NUAK2: variants seen among roughly 807,000 people sequenced by gnomAD.
NUAK2 encodes the protein NUAK family kinase 2, also known as NUAK family SNF1-like kinase 2.
A neutral mutation model predicts 29.8 loss-of-function variants in NUAK2; 20 were observed. The ratio of observed to expected loss-of-function variants is 0.67; its 90% CI spans 0.47 to 0.98. The LOEUF is 0.98. NUAK2 is among the 50% of genes least tolerant of loss of function. The probability of loss-of-function intolerance (pLI) is 0.00; values close to 1 mark genes in which losing one functional copy is unlikely to be tolerated. For synonymous variants in NUAK2, 331 were observed against 342.6 expected, an observed-to-expected ratio of 0.97 and a Z score of 0.37; for missense variants, 719 against 834.5, an observed-to-expected ratio of 0.86 and a Z score of 1.71.
chr1:205,308,127 G>A lies in NUAK2; in HGVS notation c.570+38C>T, dbSNP rs371355715. 30 of 1,411,472 alleles carry A rather than the reference G, an allele frequency of 2.1e-5. No individual in the cohort carries two copies. Among genetic ancestry groups the A allele is most frequent in the Non-Finnish European group, 2.6e-5 (26 of 1,001,768 alleles). 87.4% of individuals were successfully genotyped at this position (1,411,472 alleles called of 1,614,324 possible). ...GGGGACAGTGCAGAAAAGCTGGGGT[G>A]GGCAAGGAGGCTTCTAGAAATAAGA... On this transcript the variant is annotated intron_variant, in intron 4 of 6. Transcript: ENST00000367157. This position sits in a 1 kb window ranked among gnomAD's most constrained non-coding sequence, Gnocchi z 4.1.
rs149625269 is a variant in NUAK2, at chr1:205,308,687, C to T, written c.398G>A (p.Ser133Asn). Reference protein sequence around the residue: ...SKIVIVMEYASRGDLYDYISE... With the variant: ...SKIVIVMEYANRGDLYDYISE... ...GATGTAGTCATAAAGGTCGCCCCGG[C>T]TGGCATACTCCATGACGATCACGAT... The change falls in exon 3 of 7, where the codon AGC becomes AAC. Residue 133 changes from serine (S) to asparagine (N), a missense_variant. Coordinates refer to ENST00000367157, the MANE Select transcript of NUAK2 (RefSeq NM_030952.3). The surrounding 1 kb of genome is among the most constrained non-coding windows in gnomAD (Gnocchi z 4.1). 55 of 1,614,040 alleles carry T rather than the reference C, an allele frequency of 3.4e-5. No homozygotes were observed. Among genetic ancestry groups the T allele is most frequent in the Non-Finnish European group, 4.4e-5 (52 of 1,180,046 alleles).
At chr1:205,319,816 C>T (rs1402048582) in intron 1 of NUAK2, among the ~76,000 whole-genome samples, 1 of 152,182 alleles carries the variant, frequency 6.6e-6, no homozygotes, top group Admixed American at 6.5e-5. Context: ...CCAACATCCA[C>T]TCTCCTTCAC....
chr1:205,305,472 G>T lies in NUAK2; in HGVS notation c.691-141C>A, dbSNP rs183691010. ...CCAAGACGGGGATGCTGCAGAAGGG[G>T]TCTGAGATGTTGTCAATCGCATTTC... On this transcript the variant is annotated intron_variant, in intron 5 of 6. Coordinates refer to ENST00000367157, the MANE Select transcript of NUAK2 (RefSeq NM_030952.3). The T allele has an allele frequency of 9.3e-5, 133 of 1,424,992 alleles. No individual in the cohort carries two copies. The East Asian group carries it at 2.1e-3, about 22-fold the overall frequency. The allele number at this position is 1,424,992 out of a possible 1,614,324, so 88.3% of individuals were successfully genotyped here.
intron 1 of NUAK2, among the ~76,000 whole-genome samples, chr1:205,313,759 C>CG (rs367961044): frequency 6.6e-6 from 1 of 151,638 alleles, no homozygotes; most frequent in African/African-American, 2.4e-5. Context: ...ACAGATGCCA[C>CG]GGGGCCCTCA....
Position 205,308,370 on chromosome 1 carries a change from G to A in NUAK2, c.505-140C>T, listed in dbSNP as rs896678735. On this transcript the variant is annotated intron_variant, in intron 3 of 6. Transcript: ENST00000367157. The surrounding 1 kb of genome is among the most constrained non-coding windows in gnomAD (Gnocchi z 4.1). ...TAGGCTGGGAATGCCTATCTTTATCGGTATGTGCTGCAAGAAATCACGGGC... is the reference window on the plus strand; with the variant it reads ...TAGGCTGGGAATGCCTATCTTTATCAGTATGTGCTGCAAGAAATCACGGGC... 1.4e-5 allele frequency: 11 copies of A among 783,798 alleles called. No individual in the cohort carries two copies. Among genetic ancestry groups the A allele is most frequent in the South Asian group, 7.1e-5 (4 of 56,730 alleles). 48.6% of individuals were successfully genotyped at this position (783,798 alleles called of 1,614,324 possible).
intron 2 of NUAK2, 34 bp downstream of exon 2, chr1:205,311,671 A>AC (rs370368732): frequency 6.2e-7 from 1 of 1,613,270 alleles, no homozygotes; most frequent in Non-Finnish European, 8.5e-7. Context: ...ACACACATAG[A>AC]CCCCCAAGTT....
At position 205,304,654 on chromosome 1, in the gene NUAK2, A is replaced by G; in HGVS notation, c.824-141T>C. ...TGCGTCCCTTCCAACCTAGGGCTCTATACATGCCTTGGCCCAGGACAGCTC... is the reference window on the plus strand; with the variant it reads ...TGCGTCCCTTCCAACCTAGGGCTCTGTACATGCCTTGGCCCAGGACAGCTC... On this transcript the variant is annotated intron_variant, in intron 6 of 6. Coordinates refer to ENST00000367157, the MANE Select transcript of NUAK2 (RefSeq NM_030952.3). This position sits in a 1 kb window ranked among gnomAD's most constrained non-coding sequence, Gnocchi z 6.5. The G allele has an allele frequency of 1.4e-6, 1 of 730,106 alleles. No homozygotes were observed. The highest frequency in any genetic ancestry group is 2.2e-6 in the Non-Finnish European group (1 of 456,504). The allele number at this position is 730,106 out of a possible 1,614,324, so 45.2% of individuals were successfully genotyped here.
intron 4 of NUAK2, among the ~76,000 whole-genome samples, chr1:205,307,615 T>C (rs1321477337): frequency 3.3e-5 from 5 of 152,164 alleles, no homozygotes; most frequent in Admixed American, 3.3e-4. Flanking sequence ...TCTCAGTTTA[T>C]CCCATCAACA....
chr1:205,321,544 T>G lies in NUAK2; in HGVS notation c.85A>C (p.Lys29Gln). 6.2e-7 allele frequency: 1 copy of G among 1,613,808 alleles called. No homozygotes were observed. Among genetic ancestry groups the G allele is most frequent in the Admixed American group, 1.7e-5 (1 of 60,022 alleles). ...TTCTTCATTAGGGGCTTGGGCGACT[T>G]GATCAGCCCTTCCGCCAGCGGCCGG... The part of the protein sequence containing the change: ...LARPLAEGLI[K>Q]SPKPLMKKQA... The change falls in exon 1 of 7, where the codon AAG becomes CAG. Residue 29 changes from lysine to glutamine, a missense_variant. Lys to Gln is a moderately conservative substitution (Grantham distance 53). This residue lies in a region of NUAK2 where 283 missense variants were observed against 345.6 expected (regional missense o/e 0.82). Transcript: ENST00000367157.
intron 1 of NUAK2, among the ~76,000 whole-genome samples, chr1:205,318,237 G>A (rs984498540): frequency 6.6e-6 from 1 of 152,228 alleles, no homozygotes; most frequent in Non-Finnish European, 1.5e-5. Context: ...CACAGTCACT[G>A]TATGTGAGGG....
chr1:205,305,239 C>T lies in NUAK2; in HGVS notation c.783G>A (p.Gln261=), dbSNP rs1281649938. The T allele has an allele frequency of 1.9e-6, 3 of 1,614,108 alleles. No individual in the cohort carries two copies. Among genetic ancestry groups the T allele is most frequent in the Non-Finnish European group, 2.5e-6 (3 of 1,180,034 alleles). ...DGHDHKILVK[Q]ISNGAYREPP... ...GCTCCCGGTAGGCCCCGTTGCTGATCTGTTTCACTAGGATCTTATGGTCAT... is the reference window on the plus strand; with the variant it reads ...GCTCCCGGTAGGCCCCGTTGCTGATTTGTTTCACTAGGATCTTATGGTCAT... Residue 261 remains glutamine (Q), a synonymous_variant, in exon 6 of 7, where the codon CAG becomes CAA. Transcript: ENST00000367157.
At position 205,304,122 on chromosome 1, in the gene NUAK2, C is replaced by T. The variant is rs1397910535; in HGVS notation, c.1215G>A (p.Lys405=). 1 of 1,614,194 alleles carries T rather than the reference C, an allele frequency of 6.2e-7. No individual in the cohort carries two copies. The stretch of plus-strand genomic sequence containing the variant: ...TCTTCTTGAGAATGCCCTTTGGCAG[C>T]TTGAGGTTGCTCTTGCCAGGGCGAT... The part of the protein sequence containing the change: ...TAHRPGKSNL[K]LPKGILKKKV... The change falls in exon 7 of 7, where the codon AAG becomes AAA. Residue 405 remains lysine (K), a synonymous_variant. Coordinates refer to ENST00000367157, the MANE Select transcript of NUAK2 (RefSeq NM_030952.3). This position sits in a 1 kb window ranked among gnomAD's most constrained non-coding sequence, Gnocchi z 6.5.
rs534216571 is a variant in NUAK2 at position 205,315,197 on chromosome 1, T to G, written c.232-3372A>C. Among the ~76,000 whole-genome samples, 148 of 152,194 alleles carry G rather than the reference T, an allele frequency of 9.7e-4. 1 individual carries two copies. The highest frequency in any genetic ancestry group is 1.9e-3 in the Non-Finnish European group (130 of 67,998). ...AGGCCTCTATCGGTCTCCAAGCAGG[T>G]GGCAGACAAAAAGAGCCATGCATCA... On this transcript the variant is annotated intron_variant, in intron 1 of 6. Transcript: ENST00000367157.
chr1:205,305,149 A>T (rs554216681), intron 6 of NUAK2, 50 bp downstream of exon 6: 3 of 1,590,216 alleles, frequency 1.9e-6, no homozygotes, highest in Non-Finnish European at 1.7e-6. Flanking sequence ...CTTAGGAATG[A>T]GTGAAGGACA....
chr1:205,316,398 G>A (rs139119031), intron 1 of NUAK2, among the ~76,000 whole-genome samples: 1 of 152,308 alleles, frequency 6.6e-6, no homozygotes, highest in African/African-American at 2.4e-5. Context: ...ATTCTATTGT[G>A]ATAAATGTGG....
At chr1:205,313,875 C>G (rs1662289071) in intron 1 of NUAK2, among the ~76,000 whole-genome samples, 1 of 152,192 alleles carries the variant, frequency 6.6e-6, no homozygotes, top group Non-Finnish European at 1.5e-5. Flanking sequence ...ACGAGACTTC[C>G]TCTTATGGGG....
At position 205,303,436 on chromosome 1, in the gene NUAK2, A is replaced by G; in HGVS notation, c.*14T>C. The G allele has an allele frequency of 6.5e-7, 1 of 1,534,468 alleles. No homozygotes were observed. Among genetic ancestry groups the G allele is most frequent in the Non-Finnish European group, 8.8e-7 (1 of 1,139,322 alleles). Reference sequence around the variant, plus strand: ...TCTGAGAGCCTGACCGGGCTGGGGCAATGCCTACTCCACTCAGGTGAGCTT... The same window carrying G: ...TCTGAGAGCCTGACCGGGCTGGGGCGATGCCTACTCCACTCAGGTGAGCTT... On this transcript the variant is annotated 3_prime_UTR_variant, in exon 7 of 7. Transcript: ENST00000367157.
intron 1 of NUAK2, among the ~76,000 whole-genome samples, chr1:205,314,158 A>G (rs1662293588): frequency 6.6e-6 from 1 of 152,180 alleles, no homozygotes; most frequent in African/African-American, 2.4e-5. Context: ...AGCTGCTCAC[A>G]ATGCCCTGGC....
intron 2 of NUAK2, among the ~76,000 whole-genome samples, chr1:205,310,199 G>C (rs537161202): frequency 6.6e-6 from 1 of 152,234 alleles, no homozygotes; most frequent in Non-Finnish European, 1.5e-5. Flanking sequence ...CAGGGGGACA[G>C]GAATAAATGG....
Sources: gnomAD v4.1 joint callset for allele counts (sites outside exome capture counted in the v4.1 genomes callset) on GRCh38, gnomAD v4.1.1 for gene constraint, gnomAD v4.1.1 regional missense constraint, Gnocchi (gnomAD v3.1) non-coding constraint, MANE v1.5 for transcripts, NCBI Gene and HGNC (gene_info 2026-07-23, HGNC 2026-07-21) for gene names.